ANKS1B: variants seen among roughly 807,000 people sequenced by gnomAD.
ANKS1B encodes the protein ankyrin repeat and sterile alpha motif domain-containing protein 1B.
In ANKS1B, 36 loss-of-function variants were observed where a neutral mutation model predicts 148.3. The observed-to-expected ratio is 0.24, with a 90% CI of 0.19 to 0.32. The LOEUF (loss-of-function observed/expected upper bound fraction) is 0.32, where lower values mean the gene tolerates loss of function less well. Ranked by LOEUF, ANKS1B falls within the 10% of genes least tolerant of loss-of-function variation. ANKS1B has a pLI of 1.00. For missense variants in ANKS1B, 1,157 were observed against 1,542.6 expected (o/e 0.75, Z 4.19); for synonymous variants, 542 against 560.8 (o/e 0.97, Z 0.47).
At chr12:99,900,822 T>C (rs140276793) in intron 1 of ANKS1B, among the ~76,000 whole-genome samples, 1 of 152,220 alleles carries the variant, frequency 6.6e-6, no homozygotes, top group African/African-American at 2.4e-5. Flanking sequence ...TATAAAAGAA[T>C]GTTCAGTTAA....
At chr12:98,895,042 T>G in intron 17 of ANKS1B, 1 of 906,268 alleles carries the variant, frequency 1.1e-6, no homozygotes, top group Non-Finnish European at 1.3e-6. Context: ...CCAGGGCTGC[T>G]GGCTGCGCTC....
chr12:99,765,774 C>T (rs1474879923), intron 8 of ANKS1B, among the ~76,000 whole-genome samples: 1 of 152,092 alleles, frequency 6.6e-6, no homozygotes, highest in East Asian at 1.9e-4. Context: ...TGGACAAAGT[C>T]TGTGAAACAT....
At chr12:99,247,700 C>A (rs896725624) in intron 12 of ANKS1B, among the ~76,000 whole-genome samples, 3 of 152,040 alleles carry the variant, frequency 2.0e-5, no homozygotes, top group African/African-American at 7.2e-5. Context: ...TAAAATACAC[C>A]ATGCTTTTTG....
chr12:99,325,832 C>A (rs923312012), intron 12 of ANKS1B, among the ~76,000 whole-genome samples: 2 of 151,994 alleles, frequency 1.3e-5, no homozygotes, highest in African/African-American at 4.8e-5. Flanking sequence ...AAAAGTGGAC[C>A]AGTGTATTAG....
intron 1 of ANKS1B, among the ~76,000 whole-genome samples, chr12:99,836,469 T>C (rs1243845523): frequency 6.6e-6 from 1 of 152,182 alleles, no homozygotes; most frequent in East Asian, 1.9e-4. Flanking sequence ...CTTGAATTAC[T>C]TGATGCAATT....
chr12:99,569,858 C>T (rs1474333927), intron 9 of ANKS1B, among the ~76,000 whole-genome samples: 1 of 152,210 alleles, frequency 6.6e-6, no homozygotes, highest in Non-Finnish European at 1.5e-5. Context: ...CTTCCTATGA[C>T]TTCCCTTCTA....
At chr12:99,002,339 T>G (rs2099933487) in intron 17 of ANKS1B, among the ~76,000 whole-genome samples, 1 of 152,204 alleles carries the variant, frequency 6.6e-6, no homozygotes, top group Non-Finnish European at 1.5e-5. Flanking sequence ...GCTTTTTGTC[T>G]GTTAAACCCC....
At chr12:99,091,152 C>G (rs1408139859) in intron 15 of ANKS1B, among the ~76,000 whole-genome samples, 1 of 152,104 alleles carries the variant, frequency 6.6e-6, no homozygotes, top group Non-Finnish European at 1.5e-5. Context: ...AATAAGACAT[C>G]ATCTTATATG....
intron 9 of ANKS1B, among the ~76,000 whole-genome samples, chr12:99,525,944 A>AAT (rs917484735): frequency 2.0e-5 from 3 of 152,080 alleles, no homozygotes; most frequent in Non-Finnish European, 2.9e-5. Flanking sequence ...TAATCTCTTT[A>AAT]ATATATATAA....
chr12:98,856,318 C>T (rs2099571259), intron 17 of ANKS1B, among the ~76,000 whole-genome samples: 1 of 152,104 alleles, frequency 6.6e-6, no homozygotes, highest in African/African-American at 2.4e-5. Flanking sequence ...TGAACCCATT[C>T]TCGGTACCAG....
At chr12:99,420,118 T>G (rs776154539) in intron 11 of ANKS1B, among the ~76,000 whole-genome samples, 3 of 152,182 alleles carry the variant, frequency 2.0e-5, no homozygotes, top group Non-Finnish European at 4.4e-5. Flanking sequence ...TCAAAGATAC[T>G]CAGTAACTAT....
rs71081896 is a variant in ANKS1B, at chr12:99,098,619, C to CTTTTTTTTTTTTT, written c.2527-13609_2527-13597dup. Among the ~76,000 whole-genome samples the CTTTTTTTTTTTTT allele has an allele frequency of 3.1e-4, 10 of 32,120 alleles. 2 individuals are homozygous for CTTTTTTTTTTTTT. The highest frequency in any genetic ancestry group is 7.4e-4 in the African/African-American group (7 of 9,462). The allele number at this position is 32,120 out of a possible 152,430, so 21.1% of individuals were successfully genotyped here. On this transcript the variant is annotated intron_variant, in intron 15 of 26. Coordinates refer to ENST00000683438, the MANE Select transcript of ANKS1B (RefSeq NM_001352186.2). Reference sequence around the variant, plus strand: ...AATAAAGCATGCCTGCTAGGAACTACTTTTTTTTTTTTTTTTTTTTTTTTT... The same window carrying CTTTTTTTTTTTTT: ...AATAAAGCATGCCTGCTAGGAACTACTTTTTTTTTTTTTTTTTTTTTTTTTTTTTTTTTTTTTT...
downstream of ANKS1B, among the ~76,000 whole-genome samples, chr12:98,739,871 G>A (rs372643152): frequency 4.2e-4 from 64 of 152,102 alleles, no homozygotes; most frequent in South Asian, 0.012. Flanking sequence ...CACAAATTGC[G>A]ACCCTGCTGC....
intron 21 of ANKS1B, among the ~76,000 whole-genome samples, chr12:98,800,217 G>GAAAAA (rs770133422): frequency 2.6e-5 from 1 of 39,170 alleles, no homozygotes; most frequent in Non-Finnish European, 5.7e-5. Context: ...AGCAGAAAAT[G>GAAAAA]AAAAAAAAAA....
intron 10 of ANKS1B, among the ~76,000 whole-genome samples, chr12:99,503,907 G>T (rs2096680829): frequency 6.6e-6 from 1 of 152,058 alleles, no homozygotes; most frequent in Non-Finnish European, 1.5e-5. Context: ...GTAATAGAAA[G>T]AAACTATAAT....
At chr12:99,588,564 C>G (rs534215620) in intron 9 of ANKS1B, among the ~76,000 whole-genome samples, 39 of 152,168 alleles carry the variant, frequency 2.6e-4, no homozygotes, top group South Asian at 8.3e-4. Flanking sequence ...CTACAGGCAC[C>G]CGCCACTACG....
intron 17 of ANKS1B, among the ~76,000 whole-genome samples, chr12:98,982,768 T>C (rs1863970153): frequency 6.6e-6 from 1 of 152,238 alleles, no homozygotes; most frequent in Admixed American, 6.5e-5. Context: ...TATGGAATTC[T>C]ATTGTATGAA....
At chr12:99,023,051 C>T (rs1373045437) in intron 17 of ANKS1B, among the ~76,000 whole-genome samples, 3 of 152,098 alleles carry the variant, frequency 2.0e-5, no homozygotes, top group Admixed American at 6.6e-5. Context: ...GTTAAACTAT[C>T]GTACATTCCT....
chr12:98,861,655 G>C (rs1328717788), intron 17 of ANKS1B, among the ~76,000 whole-genome samples: 1 of 152,202 alleles, frequency 6.6e-6, no homozygotes, highest in Non-Finnish European at 1.5e-5. Flanking sequence ...AATTAGTTTT[G>C]ATCCTAAGAT....
Sources: allele counts gnomAD v4.1 joint callset (sites outside exome capture counted in the v4.1 genomes callset), GRCh38; gene constraint gnomAD v4.1.1; transcripts MANE v1.5; gene names NCBI Gene and HGNC (gene_info 2026-07-23, HGNC 2026-07-21).